Variants in YTHDC2 observed in about 807,000 individuals in gnomAD.
YTHDC2 encodes the protein 3'-5' RNA helicase YTHDC2.
Under a neutral mutation model 174.9 loss-of-function variants are expected in YTHDC2, and 45 were observed. That is an observed-to-expected ratio of 0.26 (90% CI 0.20 to 0.33). YTHDC2 has a LOEUF of 0.33. YTHDC2 is among the 10% of genes least tolerant of loss of function. YTHDC2 has a pLI of 1.00. For synonymous variants in YTHDC2, 657 were observed against 574.5 expected, an observed-to-expected ratio of 1.14 and a Z score of -2.05; for missense variants, 1,650 against 1,723.7, an observed-to-expected ratio of 0.96 and a Z score of 0.76.
chr5:113,589,620 T>A lies in YTHDC2; in HGVS notation c.3826-1421T>A, dbSNP rs1193895726. Among the ~76,000 whole-genome samples the A allele has an allele frequency of 2.0e-5, 3 of 151,810 alleles. No homozygotes were observed. The East Asian group carries it at 5.8e-4, about 29-fold the overall frequency. The stretch of plus-strand genomic sequence containing the variant: ...GTGATGGGCCACCTGTATTCCTAGC[T>A]ACTGGGGAGGCTGAGGCAGGAGGAT... On this transcript the variant is annotated intron_variant, in intron 26 of 29. Transcript: ENST00000161863.
At chr5:113,519,262 A>G (rs535920147) in intron 2 of YTHDC2, among the ~76,000 whole-genome samples, 2 of 152,288 alleles carry the variant, frequency 1.3e-5, no homozygotes, top group South Asian at 2.1e-4. Context: ...AATATATCCT[A>G]AAGTTTTCTT....
intron 2 of YTHDC2, among the ~76,000 whole-genome samples, chr5:113,518,109 A>C (rs994524599): frequency 6.6e-6 from 1 of 151,502 alleles, no homozygotes; most frequent in Non-Finnish European, 1.5e-5. Context: ...AGGATTGTCT[A>C]GATCTCCTGA....
chr5:113,567,427 TCATTAA>T, intron 22 of YTHDC2, 130 bp downstream of exon 22: 4 of 373,716 alleles, frequency 1.1e-5, no homozygotes, highest in East Asian at 6.1e-5. Context: ...TATATATATA[TCATTAA>T]ATATTGGAAC....
At chr5:113,542,775 G>C (rs976677972) in intron 10 of YTHDC2, among the ~76,000 whole-genome samples, 2 of 152,108 alleles carry the variant, frequency 1.3e-5, no homozygotes, top group African/African-American at 4.8e-5. Context: ...CAAAAATGCT[G>C]TTATGTGTAT....
At chr5:113,561,957 GGT>G (rs70973686) in intron 18 of YTHDC2, among the ~76,000 whole-genome samples, 3,485 of 134,860 alleles carry the variant, frequency 0.026, 37 homozygotes, top group East Asian at 0.046. Flanking sequence ...ATTAATTGTG[GGT>G]GTGTGTGTGT....
chr5:113,555,937 C>T (rs1776576118), intron 16 of YTHDC2, 115 bp from the exon 17 acceptor site: 1 of 561,308 alleles, frequency 1.8e-6, no homozygotes, highest in Admixed American at 3.2e-5. Flanking sequence ...ATTATTTAAT[C>T]AAGAGAGGAC....
In YTHDC2 at chr5:113,514,093, G is replaced by C. The variant is rs1195955299; in HGVS notation, c.187+11G>C. On this transcript the variant is annotated intron_variant, in intron 1 of 29. Transcript: ENST00000161863. Reference sequence around the variant, plus strand: ...ACGGGGACCAGAGAGGTGAGGTTCCGGACAGGGACCATGCTGGCAGTCAGG... The same window carrying C: ...ACGGGGACCAGAGAGGTGAGGTTCCCGACAGGGACCATGCTGGCAGTCAGG... 6.2e-7 allele frequency: 1 copy of C among 1,609,090 alleles called. No homozygotes were observed. The highest frequency in any genetic ancestry group is 2.2e-5 in the East Asian group (1 of 44,746).
chr5:113,538,996 T>TA, intron 7 of YTHDC2, 78 bp from the exon 8 acceptor site: 3 of 703,584 alleles, frequency 4.3e-6, no homozygotes, highest in Non-Finnish European at 6.7e-6. Context: ...TGAGATTCAT[T>TA]AACTTGGGAT....
chr5:113,592,191 A>T lies in YTHDC2; in HGVS notation c.4212+13A>T, dbSNP rs200075339. The T allele has an allele frequency of 1.9e-4, 266 of 1,383,474 alleles. No homozygotes were observed. In the African/African-American group the frequency reaches 3.0e-3, roughly 16 times the overall value. The allele number at this position is 1,383,474 out of a possible 1,614,324, so 85.7% of individuals were successfully genotyped here. ...CAGGGATGGGCAGGTATACAATGGC[A>T]TTTTTTTTTTTATTTACTTTTGTTT... On this transcript the variant is annotated intron_variant, in intron 28 of 29. Transcript: ENST00000161863.
At chr5:113,593,128 C>A in intron 28 of YTHDC2, 175 bp from the exon 29 acceptor site, 1 of 457,376 alleles carries the variant, frequency 2.2e-6, no homozygotes, top group Non-Finnish European at 3.9e-6. Context: ...GAAGTCAACT[C>A]CATAAACCTT....
At chr5:113,576,102 A>AC (rs1444140550) in intron 23 of YTHDC2, among the ~76,000 whole-genome samples, 24 of 152,058 alleles carry the variant, frequency 1.6e-4, no homozygotes, top group African/African-American at 9.7e-5. Flanking sequence ...CACTCTAAGT[A>AC]AATTTTTTTT....
chr5:113,558,751 G>T (rs778166677), intron 17 of YTHDC2, among the ~76,000 whole-genome samples: 3 of 151,916 alleles, frequency 2.0e-5, no homozygotes, highest in Non-Finnish European at 4.4e-5. Flanking sequence ...GTGAAACCCT[G>T]TCTCTAATAA....
intron 2 of YTHDC2, among the ~76,000 whole-genome samples, chr5:113,520,335 T>TA (rs1227973682): frequency 6.6e-6 from 1 of 152,214 alleles, no homozygotes; most frequent in Non-Finnish European, 1.5e-5. Flanking sequence ...GAAACTAGTA[T>TA]AACTTCGCTA....
chr5:113,574,510 AC>A lies in YTHDC2; in HGVS notation c.3245-5073del, dbSNP rs543000340. ...CAGCAGGTGTGCTGCATTGGTGGGAACCCTTCCTCATCCAGACTGCCTGTAT... is the reference window on the plus strand; with the variant it reads ...CAGCAGGTGTGCTGCATTGGTGGGAACCTTCCTCATCCAGACTGCCTGTAT... On this transcript the variant is annotated intron_variant, in intron 23 of 29. Transcript: ENST00000161863. Among the ~76,000 whole-genome samples the A allele has an allele frequency of 2.0e-3, 299 of 152,112 alleles. 2 individuals are homozygous for A. The highest frequency in any genetic ancestry group is 6.7e-3 in the African/African-American group (279 of 41,486).
At chr5:113,575,277 A>T (rs1777970761) in intron 23 of YTHDC2, among the ~76,000 whole-genome samples, 1 of 152,222 alleles carries the variant, frequency 6.6e-6, no homozygotes, top group South Asian at 2.1e-4. Flanking sequence ...GATTCAGCAA[A>T]TATTTAGTAC....
intron 5 of YTHDC2, 35 bp from the exon 6 acceptor site, chr5:113,534,270 C>G (rs774766660): frequency 1.9e-6 from 3 of 1,546,166 alleles, no homozygotes; most frequent in South Asian, 1.1e-5. Flanking sequence ...GAAAAACTTG[C>G]AATTGTGCAC....
intron 17 of YTHDC2, among the ~76,000 whole-genome samples, chr5:113,556,646 A>G (rs937472887): frequency 2.0e-5 from 3 of 152,208 alleles, no homozygotes; most frequent in Non-Finnish European, 2.9e-5. Context: ...GTTTAACAGT[A>G]TGTACAACAT....
At chr5:113,577,783 G>C (rs1778151812) in intron 23 of YTHDC2, among the ~76,000 whole-genome samples, 1 of 152,036 alleles carries the variant, frequency 6.6e-6, no homozygotes, top group Admixed American at 6.6e-5. Flanking sequence ...CTTTTATAAA[G>C]TTTGGGGATA....
intron 2 of YTHDC2, among the ~76,000 whole-genome samples, chr5:113,518,497 C>T (rs889042582): frequency 5.3e-5 from 8 of 151,846 alleles, no homozygotes; most frequent in Non-Finnish European, 1.0e-4. Context: ...CCACTGGGCC[C>T]AGCCGATTTT....
Sources: allele counts gnomAD v4.1 joint callset (sites outside exome capture counted in the v4.1 genomes callset), GRCh38; gene constraint gnomAD v4.1.1; transcripts MANE v1.5; gene names NCBI Gene and HGNC (gene_info 2026-07-23, HGNC 2026-07-21).